CDH13: variants seen among roughly 807,000 people sequenced by gnomAD.
CDH13 encodes the protein cadherin 13.
CDH13 carries 24 observed loss-of-function variants against 63.8 expected under a neutral mutation model. That is an observed-to-expected ratio of 0.38 (90% CI 0.27 to 0.53). The LOEUF is 0.53. CDH13 is among the 20% of genes least tolerant of loss of function. The pLI is 0.85. For synonymous variants in CDH13, 503 were observed against 355.3 expected (o/e 1.42, Z -4.67); for missense variants, 1,049 against 903.1 (o/e 1.16, Z -2.07).
In CDH13 at chr16:83,221,434, A is replaced by G. The variant is rs552970827; in HGVS notation, c.636+3937A>G. ...AAAGCCTCCTGAAATATTACTCATTATTATGCATTTTGCCAGCATTTGAGT... is the reference window on the plus strand; with the variant it reads ...AAAGCCTCCTGAAATATTACTCATTGTTATGCATTTTGCCAGCATTTGAGT... On this transcript the variant is annotated intron_variant, in intron 5 of 13. Transcript: ENST00000567109. Among the ~76,000 whole-genome samples the G allele has an allele frequency of 1.3e-4, 20 of 152,322 alleles. 1 individual carries two copies. The highest frequency in any genetic ancestry group is 4.8e-4 in the African/African-American group (20 of 41,570).
intron 7 of CDH13, among the ~76,000 whole-genome samples, chr16:83,551,056 A>ATATC (rs61159679): frequency 0.018 from 2,728 of 148,392 alleles, 52 homozygotes; most frequent in African/African-American, 0.039. Context: ...TAAGTCATTT[A>ATATC]TATCTATCTA....
chr16:82,798,643 C>T (rs1186209348), intron 1 of CDH13, among the ~76,000 whole-genome samples: 2 of 152,068 alleles, frequency 1.3e-5, no homozygotes, highest in South Asian at 2.1e-4. Context: ...GGGTTACAAG[C>T]ACAAATGTCC....
chr16:83,127,450 A>G (rs1480245298), intron 4 of CDH13, among the ~76,000 whole-genome samples: 1 of 152,110 alleles, frequency 6.6e-6, no homozygotes, highest in Non-Finnish European at 1.5e-5. Context: ...TTGATCTTGG[A>G]CGGGCATGGT....
chr16:82,878,413 AAG>A (rs781229883), intron 2 of CDH13, among the ~76,000 whole-genome samples: 2 of 151,656 alleles, frequency 1.3e-5, no homozygotes, highest in African/African-American at 4.8e-5. Flanking sequence ...TCTAGCAAAA[AAG>A]AGGAGACGTC....
chr16:83,648,148 T>C (rs2150814961), intron 8 of CDH13, among the ~76,000 whole-genome samples: 1 of 152,160 alleles, frequency 6.6e-6, no homozygotes, highest in African/African-American at 2.4e-5. Context: ...AGCCATACCT[T>C]GGAAGGACCA....
chr16:83,458,688 C>A (rs544767889), intron 6 of CDH13, among the ~76,000 whole-genome samples: 20 of 151,380 alleles, frequency 1.3e-4, no homozygotes, highest in Non-Finnish European at 2.8e-4. Flanking sequence ...CCAGGCCACC[C>A]AGCAACAATC....
In CDH13 at chr16:83,508,055, A is replaced by AGGAAGGAAG. The variant is rs1343350266; in HGVS notation, c.960+21401_960+21402insGAAGGAAGG. On this transcript the variant is annotated intron_variant, in intron 7 of 13. Transcript: ENST00000567109. ...CGAAAGAAAGAAAGAGAGAAAGAGA[A>AGGAAGGAAG]GAAGGAAGGAAGGAAGGAAGGAAGG... 2.2e-3 allele frequency among the ~76,000 whole-genome samples: 131 copies of AGGAAGGAAG among 58,298 alleles called. 4 individuals carry two copies. The highest frequency in any genetic ancestry group is 9.5e-3 in the African/African-American group (121 of 12,692). 38.2% of individuals were successfully genotyped at this position (58,298 alleles called of 152,430 possible).
chr16:82,627,734 C>T (rs1907508754), intron 1 of CDH13, among the ~76,000 whole-genome samples: 1 of 152,164 alleles, frequency 6.6e-6, no homozygotes, highest in Non-Finnish European at 1.5e-5. Flanking sequence ...TCAAAGGCGC[C>T]GGCGCCGGCC....
chr16:82,669,505 C>G (rs138647625), intron 1 of CDH13, among the ~76,000 whole-genome samples: 285 of 152,256 alleles, frequency 1.9e-3, no homozygotes, highest in African/African-American at 6.6e-3. Context: ...GATAACATTA[C>G]TTGTAATACT....
chr16:83,191,157 G>T (rs1386325346), intron 4 of CDH13, among the ~76,000 whole-genome samples: 1 of 148,124 alleles, frequency 6.8e-6, no homozygotes, highest in Non-Finnish European at 1.5e-5. Flanking sequence ...TTTTGTCTTT[G>T]ATATGGAAAG....
At chr16:83,337,719 G>A (rs543251316) in intron 5 of CDH13, among the ~76,000 whole-genome samples, 15 of 129,072 alleles carry the variant, frequency 1.2e-4, no homozygotes, top group African/African-American at 2.7e-4. Context: ...ATAATATTTC[G>A]CAGCCTTTAG....
At chr16:83,729,927 T>G (rs144421589) in intron 10 of CDH13, among the ~76,000 whole-genome samples, 1 of 152,222 alleles carries the variant, frequency 6.6e-6, no homozygotes, top group East Asian at 1.9e-4. Flanking sequence ...AAGAGGGGTT[T>G]TGAAGCTGAC....
At chr16:83,393,477 A>T (rs983027589) in intron 6 of CDH13, among the ~76,000 whole-genome samples, 1 of 152,192 alleles carries the variant, frequency 6.6e-6, no homozygotes, top group African/African-American at 2.4e-5. Flanking sequence ...GCCCGAGTCC[A>T]GTGACTCAGA....
intron 6 of CDH13, among the ~76,000 whole-genome samples, chr16:83,346,825 T>C (rs1022036291): frequency 2.6e-5 from 4 of 152,232 alleles, no homozygotes; most frequent in Non-Finnish European, 5.9e-5. Context: ...GAGTTCTTTA[T>C]GCACATTGAA....
intron 4 of CDH13, among the ~76,000 whole-genome samples, chr16:83,140,661 G>C (rs907633902): frequency 6.6e-6 from 1 of 152,104 alleles, no homozygotes; most frequent in African/African-American, 2.4e-5. Flanking sequence ...TGCCATGTTG[G>C]CCAGGCTTGT....
chr16:83,023,307 G>A (rs56412073), intron 2 of CDH13, among the ~76,000 whole-genome samples: 1 of 151,720 alleles, frequency 6.6e-6, no homozygotes, highest in South Asian at 2.1e-4. Flanking sequence ...ACTACCCCCC[G>A]ACTCCACCCC....
chr16:82,860,421 T>TG (rs910621884), intron 2 of CDH13, among the ~76,000 whole-genome samples: 10 of 149,640 alleles, frequency 6.7e-5, no homozygotes, highest in African/African-American at 2.5e-4. Flanking sequence ...GTGTGTGCTT[T>TG]AATCCCCTAA....
At chr16:83,461,978 T>C (rs754476307) in intron 6 of CDH13, among the ~76,000 whole-genome samples, 30 of 152,232 alleles carry the variant, frequency 2.0e-4, no homozygotes, top group Non-Finnish European at 2.4e-4. Context: ...TCCCTACATG[T>C]GTGCTGAAAG....
chr16:82,878,003 T>C (rs1323278703), intron 2 of CDH13, among the ~76,000 whole-genome samples: 3 of 151,262 alleles, frequency 2.0e-5, no homozygotes, highest in Non-Finnish European at 4.4e-5. Context: ...TATATTCTCA[T>C]TCTGCTAAAC....
Sources: gnomAD v4.1 joint callset for allele counts (sites outside exome capture counted in the v4.1 genomes callset) on GRCh38, gnomAD v4.1.1 for gene constraint, MANE v1.5 for transcripts, NCBI Gene and HGNC (gene_info 2026-07-23, HGNC 2026-07-21) for gene names.